The following MKLN1 variants were observed in gnomAD, a reference collection of about 807,000 sequenced individuals.
MKLN1 encodes muskelin 1, also known as muskelin.
A neutral mutation model predicts 99.0 loss-of-function variants in MKLN1; 18 were observed. The ratio of observed to expected loss-of-function variants is 0.18; its 90% CI spans 0.13 to 0.27. MKLN1 has a LOEUF of 0.27. Among genes scored for constraint, MKLN1 ranks in the 10% least tolerant of loss-of-function variants. MKLN1 has a pLI of 1.00. For missense variants in MKLN1, 621 were observed against 875.9 expected, an observed-to-expected ratio of 0.71 and a Z score of 3.67; for synonymous variants, 288 against 293.2, an observed-to-expected ratio of 0.98 and a Z score of 0.18.
chr7:131,333,317 C>T (rs951097466), intron 1 of MKLN1, among the ~76,000 whole-genome samples: 1 of 152,176 alleles, frequency 6.6e-6, no homozygotes, highest in African/African-American at 2.4e-5. Context: ...TCAAGTGATC[C>T]TCTCACCTCA....
intron 2 of MKLN1, among the ~76,000 whole-genome samples, chr7:131,376,134 A>ATATG: frequency 3.8e-4 from 1 of 2,656 alleles, no homozygotes; most frequent in African/African-American, 5.5e-4. Flanking sequence ...ATATATATAT[A>ATATG]TGTATGATGT....
chr7:131,438,608 CATT>C (rs1795741445), intron 10 of MKLN1, among the ~76,000 whole-genome samples: 1 of 151,628 alleles, frequency 6.6e-6, no homozygotes, highest in South Asian at 2.1e-4. Context: ...TTGTCATTAT[CATT>C]GTTACCTGTC....
chr7:131,441,106 C>T (rs937617895), intron 10 of MKLN1, among the ~76,000 whole-genome samples: 4 of 152,140 alleles, frequency 2.6e-5, no homozygotes, highest in Non-Finnish European at 5.9e-5. Flanking sequence ...CAAGTATAAT[C>T]AGTTTTTGTG....
At chr7:131,205,279 A>G (rs1457930837) in intron 3 of MKLN1, among the ~76,000 whole-genome samples, 3 of 152,160 alleles carry the variant, frequency 2.0e-5, no homozygotes, top group Admixed American at 1.3e-4. Context: ...TTGAACCTCA[A>G]TGGTATTATA....
intron 1 of MKLN1, among the ~76,000 whole-genome samples, chr7:131,368,386 G>A (rs1800245180): frequency 1.3e-5 from 2 of 152,174 alleles, no homozygotes; most frequent in African/African-American, 4.8e-5. Context: ...TTCTCACACT[G>A]TTATAAAGAA....
At chr7:131,192,261 AATATAT>A in intron 2 of MKLN1, among the ~76,000 whole-genome samples, 10 of 92,004 alleles carry the variant, frequency 1.1e-4, no homozygotes, top group Non-Finnish European at 1.5e-4. Flanking sequence ...TAATATATAC[AATATAT>A]AAATATATAA....
At position 131,204,687 on chromosome 7, in the gene MKLN1, C is replaced by T. The variant is rs1334331077; in HGVS notation, c.-179+1713C>T. Among the ~76,000 whole-genome samples, 6 of 151,960 alleles carry T rather than the reference C, an allele frequency of 3.9e-5. No homozygotes were observed. The South Asian group carries it at 6.2e-4, about 16-fold the overall frequency. ...TCTATTAAAAATACAAACATTAGGC[C>T]GGGCGCGGTGGCTCATGCCTGTAAT... On this transcript the variant is annotated intron_variant, in intron 3 of 7. Coordinates refer to the MKLN1 transcript ENST00000416992.
chr7:131,393,841 G>A (rs1040933277), intron 4 of MKLN1, among the ~76,000 whole-genome samples: 25 of 151,704 alleles, frequency 1.6e-4, no homozygotes, highest in African/African-American at 5.8e-4. Flanking sequence ...TTCCAGGCTG[G>A]TCTTGAACTC....
chr7:131,421,844 A>G (rs1003715716), intron 8 of MKLN1, among the ~76,000 whole-genome samples: 2 of 152,196 alleles, frequency 1.3e-5, no homozygotes, highest in Admixed American at 6.5e-5. Flanking sequence ...TCATAATTCC[A>G]CATTCTAAAA....
intron 1 of MKLN1, among the ~76,000 whole-genome samples, chr7:131,350,934 A>T (rs936774709): frequency 6.6e-6 from 1 of 152,190 alleles, no homozygotes; most frequent in Admixed American, 6.5e-5. Flanking sequence ...ATTTTACTTA[A>T]CAGATTTAGC....
At chr7:131,371,936 G>A (rs891302110) in intron 1 of MKLN1, among the ~76,000 whole-genome samples, 1 of 151,820 alleles carries the variant, frequency 6.6e-6, no homozygotes, top group African/African-American at 2.4e-5. Context: ...GTCTCTCCCT[G>A]TTGCCTTCTT....
chr7:131,228,127 A>C (rs1012498008), intron 3 of MKLN1, among the ~76,000 whole-genome samples: 2 of 152,176 alleles, frequency 1.3e-5, no homozygotes, highest in Non-Finnish European at 2.9e-5. Flanking sequence ...GCAGTGGTGC[A>C]ACCTCCACTC....
intron 1 of MKLN1, among the ~76,000 whole-genome samples, chr7:131,130,485 C>T (rs1017030323): frequency 7.9e-5 from 12 of 152,124 alleles, no homozygotes; most frequent in African/African-American, 2.9e-4. Context: ...CTACCATTAC[C>T]CCCATTTCAC....
intron 2 of MKLN1, among the ~76,000 whole-genome samples, chr7:131,182,929 C>T (rs1045857055): frequency 3.9e-5 from 6 of 152,202 alleles, no homozygotes; most frequent in African/African-American, 7.2e-5. Flanking sequence ...ATGTGATCAA[C>T]GTGACCATGG....
intron 3 of MKLN1, chr7:131,310,753 A>G (rs974810152): frequency 5.3e-5 from 8 of 152,222 alleles, no homozygotes; most frequent in African/African-American, 1.9e-4. Context: ...TAGTAAAATA[A>G]CAAGTGTCTC....
chr7:131,417,806 A>T (rs1795065670), intron 8 of MKLN1, among the ~76,000 whole-genome samples: 1 of 152,236 alleles, frequency 6.6e-6, no homozygotes, highest in Non-Finnish European at 1.5e-5. Flanking sequence ...GACTAGAAGG[A>T]CACATACCAA....
intron 4 of MKLN1, among the ~76,000 whole-genome samples, chr7:131,394,336 C>G (rs1299031597): frequency 6.6e-6 from 1 of 151,992 alleles, no homozygotes; most frequent in African/African-American, 2.4e-5. Context: ...TTGTGGAAGA[C>G]AGTTTTTCTG....
intron 6 of MKLN1, among the ~76,000 whole-genome samples, chr7:131,403,405 C>G (rs186562063): frequency 6.6e-6 from 1 of 152,080 alleles, no homozygotes; most frequent in Admixed American, 6.6e-5. Flanking sequence ...CTATCCAGAC[C>G]GCTCTAACTT....
At chr7:131,161,349 C>G (rs1170225833) in intron 2 of MKLN1, among the ~76,000 whole-genome samples, 2 of 152,164 alleles carry the variant, frequency 1.3e-5, no homozygotes, top group African/African-American at 4.8e-5. Context: ...ATGTGGCTAT[C>G]AAGCGCTTGA....
Sources: allele counts gnomAD v4.1 joint callset (sites outside exome capture counted in the v4.1 genomes callset), GRCh38; gene constraint gnomAD v4.1.1; transcripts MANE v1.5; gene names NCBI Gene and HGNC (gene_info 2026-07-23, HGNC 2026-07-21).